CBLB: variants seen among roughly 807,000 people sequenced by gnomAD.
The protein encoded by CBLB is Cbl proto-oncogene B.
CBLB carries 31 observed loss-of-function variants against 104.9 expected under a neutral mutation model. The ratio of observed to expected loss-of-function variants is 0.30; its 90% confidence interval spans 0.22 to 0.40. The LOEUF (loss-of-function observed/expected upper bound fraction) is 0.40, where lower values mean the gene tolerates loss of function less well. Ranked by LOEUF, CBLB falls within the 10% of genes least tolerant of loss-of-function variation. The probability of loss-of-function intolerance (pLI) is 1.00; values close to 1 mark genes in which losing one functional copy is unlikely to be tolerated. For missense variants in CBLB, 1,062 were observed against 1,214.6 expected (o/e 0.87, Z 1.87); for synonymous variants, 440 against 422.6 (o/e 1.04, Z -0.51).
At chr3:105,731,991 T>C (rs529983307) in intron 9 of CBLB, among the ~76,000 whole-genome samples, 1 of 152,324 alleles carries the variant, frequency 6.6e-6, no homozygotes, top group East Asian at 1.9e-4. Flanking sequence ...TAGGAATTTG[T>C]ATCAGCCTAT....
chr3:105,859,731 A>T (rs185384395), intron 2 of CBLB, among the ~76,000 whole-genome samples: 1 of 151,612 alleles, frequency 6.6e-6, no homozygotes, highest in East Asian at 1.9e-4. Context: ...TTCTTATTAC[A>T]GTGACCTAAA....
At chr3:105,733,123 C>T (rs765813860) in intron 9 of CBLB, among the ~76,000 whole-genome samples, 2 of 151,960 alleles carry the variant, frequency 1.3e-5, no homozygotes, top group East Asian at 1.9e-4. Flanking sequence ...TTTGGGAGGC[C>T]GTGGCAGGTG....
intron 3 of CBLB, among the ~76,000 whole-genome samples, chr3:105,823,730 C>A (rs2086196705): frequency 6.6e-6 from 1 of 152,112 alleles, no homozygotes; most frequent in Non-Finnish European, 1.5e-5. Flanking sequence ...GTCTGGGCCA[C>A]AATTATCATG....
chr3:105,716,091 T>C (rs895032986), intron 10 of CBLB, among the ~76,000 whole-genome samples: 1 of 152,080 alleles, frequency 6.6e-6, no homozygotes, highest in African/African-American at 2.4e-5. Context: ...AATGAGTGAA[T>C]GAATGAAAAT....
At chr3:105,821,358 C>T (rs1012670607) in intron 3 of CBLB, among the ~76,000 whole-genome samples, 11 of 152,036 alleles carry the variant, frequency 7.2e-5, no homozygotes, top group Admixed American at 2.6e-4. Context: ...CCGAACAGTT[C>T]AAAGGCTTAC....
Sources: gnomAD v4.1 joint callset for allele counts (sites outside exome capture counted in the v4.1 genomes callset) on GRCh38, gnomAD v4.1.1 for gene constraint, MANE v1.5 for transcripts, NCBI Gene and HGNC (gene_info 2026-07-23, HGNC 2026-07-21) for gene names.